Variants in SRGAP3 observed in about 807,000 individuals in gnomAD.
SRGAP3 encodes the protein SLIT-ROBO Rho GTPase-activating protein 3.
Under a neutral mutation model 121.1 loss-of-function variants are expected in SRGAP3, and 39 were observed. That is an observed-to-expected ratio of 0.32 (90% confidence interval 0.25 to 0.42). The LOEUF (loss-of-function observed/expected upper bound fraction) is 0.42. Among genes scored for constraint, SRGAP3 ranks in the 10% least tolerant of loss-of-function variants. SRGAP3 has a pLI of 1.00. For missense variants in SRGAP3, 1,213 were observed against 1,470.6 expected (o/e 0.82, Z 2.86); for synonymous variants, 601 against 570.0 (o/e 1.05, Z -0.77).
intron 1 of SRGAP3, among the ~76,000 whole-genome samples, chr3:9,214,295 C>T (rs1276674234): frequency 6.6e-6 from 1 of 152,164 alleles, no homozygotes; most frequent in Non-Finnish European, 1.5e-5. Flanking sequence ...ATATTCATTG[C>T]CTTATTTAAC....
chr3:9,064,671 C>T (rs1330655110), intron 4 of SRGAP3, 90 bp from the exon 5 acceptor site: 4 of 1,493,434 alleles, frequency 2.7e-6, no homozygotes, highest in Admixed American at 3.5e-5. Flanking sequence ...AAGTTCTACA[C>T]TCTAGCTGGC....
Position 8,990,642 on chromosome 3 carries a change from C to G in SRGAP3, c.2756G>C (p.Ser919Thr). ...GTCAGGGTAGTTGATGCTGCCAGCG[C>G]TCCCGAACGTCGCCATCCTCCGCTT... ...PEKRRMATFG[S>T]AGSINYPDKK... The change falls in exon 21 of 22, where the codon AGC becomes ACC. Residue 919 changes from serine (S) to threonine (T), a missense_variant. Coordinates refer to ENST00000383836, the MANE Select transcript of SRGAP3 (RefSeq NM_014850.4). The G allele has an allele frequency of 6.2e-7, 1 of 1,613,640 alleles. No homozygotes were observed. The highest frequency in any genetic ancestry group is 8.5e-7 in the Non-Finnish European group (1 of 1,179,930).
chr3:9,086,641 A>G lies in SRGAP3; in HGVS notation c.424-6554T>C, dbSNP rs554659940. 2.1e-5 allele frequency among the ~76,000 whole-genome samples: 3 copies of G among 141,546 alleles called. No homozygotes were observed. The South Asian group carries it at 6.9e-4, about 32-fold the overall frequency. The allele number at this position is 141,546 out of a possible 152,430, so 92.9% of individuals were successfully genotyped here. On this transcript the variant is annotated intron_variant, in intron 3 of 21. Coordinates refer to ENST00000383836, the MANE Select transcript of SRGAP3 (RefSeq NM_014850.4). ...TAAATATACACATATATACACCCAC[A>G]TATACATATATGAAATACATATTAT...
In SRGAP3 at chr3:9,249,459, G is replaced by A. The variant is rs889450414; in HGVS notation, c.-508C>T. On this transcript the variant is annotated 5_prime_UTR_variant, in exon 1 of 22. Coordinates refer to ENST00000383836, the MANE Select transcript of SRGAP3 (RefSeq NM_014850.4). ...GGCGCGGCGCCTCTTTGGTCGTGCAGCCAGCCCCTGGCTTGCTTTTGAAGG... is the reference window on the plus strand; with the variant it reads ...GGCGCGGCGCCTCTTTGGTCGTGCAACCAGCCCCTGGCTTGCTTTTGAAGG... 8.1e-6 allele frequency: 2 copies of A among 247,896 alleles called. No homozygotes were observed. The highest frequency in any genetic ancestry group is 4.4e-5 in the African/African-American group (2 of 45,444). The allele number at this position is 247,896 out of a possible 1,614,324, so 15.4% of individuals were successfully genotyped here. A position where few individuals can be genotyped will look rare whatever the true frequency, so the allele number is the denominator to read the frequency against.
chr3:9,306,952 C>T (rs892892243), intron 3 of SRGAP3, among the ~76,000 whole-genome samples: 3 of 152,128 alleles, frequency 2.0e-5, no homozygotes, highest in Non-Finnish European at 2.9e-5. Context: ...TCATTATACA[C>T]GGCTCTTTAC....
chr3:8,993,704 CA>C (rs1942211653), intron 19 of SRGAP3, among the ~76,000 whole-genome samples: 1 of 152,184 alleles, frequency 6.6e-6, no homozygotes, highest in Non-Finnish European at 1.5e-5. Flanking sequence ...TCTCCCATCA[CA>C]ATGTGGGCTG....
chr3:9,184,646 C>T lies in SRGAP3; in HGVS notation c.68-59729G>A, dbSNP rs1352548144. Among the ~76,000 whole-genome samples, 3 of 152,134 alleles carry T rather than the reference C, an allele frequency of 2.0e-5. No homozygotes were observed. The East Asian group carries it at 5.8e-4, about 29-fold the overall frequency. ...AGCCTAGAATGGGAATTAGGCAGAG[C>T]CACTCGGAAGTTCCATGAGGACATG... On this transcript the variant is annotated intron_variant, in intron 1 of 21. Coordinates refer to ENST00000383836, the MANE Select transcript of SRGAP3 (RefSeq NM_014850.4).
chr3:9,258,633 C>T (rs568248217), intron 3 of SRGAP3, among the ~76,000 whole-genome samples: 4 of 152,166 alleles, frequency 2.6e-5, no homozygotes, highest in Non-Finnish European at 4.4e-5. Flanking sequence ...AAAATACTGG[C>T]GACTTTATAG....
intron 12 of SRGAP3, among the ~76,000 whole-genome samples, chr3:9,032,200 AAAAATTCACGTGTAT>A (rs2125091062): frequency 6.6e-6 from 1 of 152,346 alleles, no homozygotes; most frequent in East Asian, 1.9e-4. Flanking sequence ...CAACTAAAAA[AAAAATTCACGTGTAT>A]AAAAACACAC....
intron 1 of SRGAP3, among the ~76,000 whole-genome samples, chr3:9,142,027 G>C (rs947004117): frequency 1.3e-5 from 2 of 152,184 alleles, no homozygotes; most frequent in South Asian, 4.1e-4. Context: ...ACATACCCTC[G>C]ATCCAGTAAG....
intron 3 of SRGAP3, among the ~76,000 whole-genome samples, chr3:9,264,656 A>G (rs1414567176): frequency 6.6e-6 from 1 of 152,160 alleles, no homozygotes; most frequent in African/African-American, 2.4e-5. Context: ...TAAAAATACA[A>G]CTTACGAGGG....
At chr3:9,188,186 C>CA (rs1951655742) in intron 1 of SRGAP3, among the ~76,000 whole-genome samples, 1 of 152,120 alleles carries the variant, frequency 6.6e-6, no homozygotes, top group African/African-American at 2.4e-5. Context: ...AAAAGGCTGA[C>CA]AACTGAAAAA....
intron 3 of SRGAP3, among the ~76,000 whole-genome samples, chr3:9,276,877 A>C (rs1399908286): frequency 2.0e-5 from 3 of 152,214 alleles, no homozygotes; most frequent in Non-Finnish European, 4.4e-5. Flanking sequence ...ATTGGAATGG[A>C]GAAAGGGTCT....
At chr3:9,095,849 C>T (rs1947945180) in intron 3 of SRGAP3, among the ~76,000 whole-genome samples, 1 of 152,106 alleles carries the variant, frequency 6.6e-6, no homozygotes, top group African/African-American at 2.4e-5. Flanking sequence ...GGGAGGATTG[C>T]TTGAGGCCAG....
At chr3:9,099,726 C>A (rs561551176) in intron 3 of SRGAP3, among the ~76,000 whole-genome samples, 1 of 152,212 alleles carries the variant, frequency 6.6e-6, no homozygotes, top group African/African-American at 2.4e-5. Context: ...AATGCAGGTT[C>A]TCAGGCCCCA....
chr3:9,058,212 G>A (rs939071385), intron 7 of SRGAP3, 39 bp downstream of exon 7: 31 of 1,602,654 alleles, frequency 1.9e-5, no homozygotes, highest in Non-Finnish European at 2.6e-5. Flanking sequence ...GGGAACAGAG[G>A]GAAGCAGCCC....
intron 2 of SRGAP3, among the ~76,000 whole-genome samples, chr3:9,110,961 C>T (rs1368445346): frequency 3.3e-5 from 5 of 152,376 alleles, no homozygotes; most frequent in African/African-American, 1.2e-4. Flanking sequence ...CTGTGGACTC[C>T]GGGCAGGCCA....
At chr3:9,343,730 A>G (rs1287022067) in intron 1 of SRGAP3, among the ~76,000 whole-genome samples, 1 of 152,174 alleles carries the variant, frequency 6.6e-6, no homozygotes, top group African/African-American at 2.4e-5. Context: ...GAGTGCAGAC[A>G]CACAATAATG....
At chr3:9,031,948 T>C (rs1305918010) in intron 12 of SRGAP3, among the ~76,000 whole-genome samples, 1 of 152,164 alleles carries the variant, frequency 6.6e-6, no homozygotes, top group Non-Finnish European at 1.5e-5. Flanking sequence ...TAATTTCCCT[T>C]GAGCCATTAT....
Sources: allele counts gnomAD v4.1 joint callset (sites outside exome capture counted in the v4.1 genomes callset), GRCh38; gene constraint gnomAD v4.1.1; transcripts MANE v1.5; gene names NCBI Gene and HGNC (gene_info 2026-07-23, HGNC 2026-07-21).